Variants in PDE10A observed in about 807,000 individuals in gnomAD.
PDE10A encodes phosphodiesterase 10A.
Under a neutral mutation model 97.7 loss-of-function variants are expected in PDE10A, and 39 were observed. The ratio of observed to expected loss-of-function variants is 0.40; its 90% CI spans 0.31 to 0.52. PDE10A has a LOEUF of 0.52. PDE10A is among the 20% of genes least tolerant of loss of function. PDE10A has a pLI of 0.56. For synonymous variants in PDE10A, 371 were observed against 376.8 expected (o/e 0.98, Z 0.18); for missense variants, 731 against 1,047.8 (o/e 0.70, Z 4.17).
chr6:165,535,602 CGT>C lies in PDE10A; in HGVS notation c.994+7836_994+7837del, dbSNP rs140536079. Among the ~76,000 whole-genome samples, 469 of 148,500 alleles carry C rather than the reference CGT, an allele frequency of 3.2e-3. 3 individuals carry two copies. The highest frequency in any genetic ancestry group is 9.5e-3 in the African/African-American group (388 of 40,832). The stretch of plus-strand genomic sequence containing the variant: ...GTATTCTATGGGGTGTGTGTGTGCG[CGT>C]GTGTGTGTGTGTGTGTACACACACA... On this transcript the variant is annotated intron_variant, in intron 2 of 21. Coordinates refer to ENST00000539869, the MANE Select transcript of PDE10A (RefSeq NM_001385079.1).
At chr6:165,340,407 A>T (rs2128178591) in intron 19 of PDE10A, among the ~76,000 whole-genome samples, 1 of 152,306 alleles carries the variant, frequency 6.6e-6, no homozygotes, top group Non-Finnish European at 1.5e-5. Context: ...ATAATTAGGT[A>T]TTTTTATGTA....
In PDE10A at chr6:165,798,864, C is replaced by T. The variant is rs145268687; in HGVS notation, c.-615+188665G>A. ...CTGGGATTACAAGCACGTGCCACCA[C>T]GCCAGGCTAATTTTGGTGTTTTTTG... is the stretch of plus-strand genomic sequence containing the variant. On this transcript the variant is annotated intron_variant, in intron 1 of 19. Coordinates refer to the PDE10A transcript ENST00000366882. 4.1e-3 allele frequency among the ~76,000 whole-genome samples: 630 copies of T among 152,160 alleles called. 7 individuals carry two copies. Among genetic ancestry groups the T allele is most frequent in the African/African-American group, 0.014 (594 of 41,490 alleles).
At chr6:165,588,281 CTTTTTTTTTTTTTTTTT>C (rs1216263426) in intron 1 of PDE10A, among the ~76,000 whole-genome samples, 1 of 37,034 alleles carries the variant, frequency 2.7e-5, no homozygotes, top group Non-Finnish European at 8.6e-5. Flanking sequence ...ATTTTTTTTT[CTTTTTTTTTTTTTTTTT>C]TTTTTTTTTG....
At chr6:165,892,366 G>A (rs1248022645) in intron 1 of PDE10A, among the ~76,000 whole-genome samples, 1 of 152,204 alleles carries the variant, frequency 6.6e-6, no homozygotes, top group East Asian at 1.9e-4. Context: ...AAGTGGACAT[G>A]GCCACAGAGA....
At chr6:165,984,692 T>A (rs147283735) in intron 1 of PDE10A, among the ~76,000 whole-genome samples, 9 of 92,850 alleles carry the variant, frequency 9.7e-5, no homozygotes, top group African/African-American at 3.0e-4. Flanking sequence ...TTGAATTTCT[T>A]ACCAAATGCC....
intron 1 of PDE10A, among the ~76,000 whole-genome samples, chr6:165,851,381 C>T (rs1780568156): frequency 1.3e-5 from 2 of 152,198 alleles, no homozygotes; most frequent in Admixed American, 6.5e-5. Flanking sequence ...TACCTGGGGC[C>T]TTCCTTAACA....
At chr6:165,458,171 T>C (rs1434458653) in intron 3 of PDE10A, among the ~76,000 whole-genome samples, 1 of 152,206 alleles carries the variant, frequency 6.6e-6, no homozygotes, top group African/African-American at 2.4e-5. Flanking sequence ...TATTTTGACA[T>C]AATTTCGATC....
At chr6:165,778,417 C>T (rs1778254663) in intron 1 of PDE10A, among the ~76,000 whole-genome samples, 1 of 152,146 alleles carries the variant, frequency 6.6e-6, no homozygotes, top group African/African-American at 2.4e-5. Flanking sequence ...TTCATCCATG[C>T]TCTATAGTAT....
At chr6:165,351,282 C>G (rs1322708032) in intron 18 of PDE10A, among the ~76,000 whole-genome samples, 1 of 152,040 alleles carries the variant, frequency 6.6e-6, no homozygotes, top group Non-Finnish European at 1.5e-5. Context: ...GGCATAATAG[C>G]TAATGACATC....
intron 1 of PDE10A, among the ~76,000 whole-genome samples, chr6:165,842,947 T>G (rs1443675984): frequency 6.6e-6 from 1 of 152,216 alleles, no homozygotes; most frequent in African/African-American, 2.4e-5. Flanking sequence ...ACATCTGCCT[T>G]GTCTACCTGA....
intron 1 of PDE10A, among the ~76,000 whole-genome samples, chr6:165,860,693 A>G (rs1780878474): frequency 6.6e-6 from 1 of 152,190 alleles, no homozygotes; most frequent in South Asian, 2.1e-4. Flanking sequence ...AAGTAGGCGA[A>G]TTTGCAAATA....
At chr6:165,751,344 C>T (rs1327447050) in intron 1 of PDE10A, among the ~76,000 whole-genome samples, 1 of 152,188 alleles carries the variant, frequency 6.6e-6, no homozygotes, top group South Asian at 2.1e-4. Context: ...TTCCCTGGCC[C>T]CTGCCTCCAG....
chr6:165,642,497 G>A (rs557948674), intron 1 of PDE10A, among the ~76,000 whole-genome samples: 11 of 152,174 alleles, frequency 7.2e-5, no homozygotes, highest in Non-Finnish European at 1.3e-4. Context: ...ATTTTAGAGG[G>A]GTAGTGCTCT....
intron 1 of PDE10A, among the ~76,000 whole-genome samples, chr6:165,747,072 A>G (rs1474126320): frequency 6.6e-6 from 1 of 152,226 alleles, no homozygotes; most frequent in Admixed American, 6.5e-5. Flanking sequence ...GCTATATCTT[A>G]GTTCAATAAA....
intron 2 of PDE10A, among the ~76,000 whole-genome samples, chr6:165,520,152 C>T (rs1307588786): frequency 6.6e-6 from 1 of 152,146 alleles, no homozygotes; most frequent in African/African-American, 2.4e-5. Flanking sequence ...CATCAAGTTC[C>T]TTCTAGAAAG....
At chr6:165,498,799 T>C (rs371996745) in intron 2 of PDE10A, among the ~76,000 whole-genome samples, 12 of 152,310 alleles carry the variant, frequency 7.9e-5, no homozygotes, top group African/African-American at 2.4e-4. Flanking sequence ...CACCTTACTT[T>C]TGAAAATGTT....
intron 1 of PDE10A, among the ~76,000 whole-genome samples, chr6:165,757,795 C>T (rs1436123630): frequency 6.6e-6 from 1 of 152,020 alleles, no homozygotes; most frequent in Non-Finnish European, 1.5e-5. Flanking sequence ...TGCCATATGA[C>T]CTTTGGAGTC....
At chr6:165,909,394 C>T (rs115125342) in intron 1 of PDE10A, among the ~76,000 whole-genome samples, 8 of 152,196 alleles carry the variant, frequency 5.3e-5, no homozygotes, top group African/African-American at 1.4e-4. Flanking sequence ...TTATATTGCT[C>T]GCTGTGTTAG....
At position 165,359,354 on chromosome 6, in the gene PDE10A, A is replaced by C. The variant is rs186911103; in HGVS notation, c.2784-15852T>G. Among the ~76,000 whole-genome samples the C allele has an allele frequency of 1.6e-3, 240 of 152,226 alleles. 1 individual carries two copies. Among genetic ancestry groups the C allele is most frequent in the African/African-American group, 5.4e-3 (224 of 41,548 alleles). On this transcript the variant is annotated intron_variant, in intron 18 of 21. Coordinates refer to ENST00000539869, the MANE Select transcript of PDE10A (RefSeq NM_001385079.1). ...TCCTTATTTCAGCCTCCTTTTTTGA[A>C]GAATGTTTCTAATGGACATAGGATT...
Sources: gnomAD v4.1 joint callset for allele counts (sites outside exome capture counted in the v4.1 genomes callset) on GRCh38, gnomAD v4.1.1 for gene constraint, MANE v1.5 for transcripts, NCBI Gene and HGNC (gene_info 2026-07-23, HGNC 2026-07-21) for gene names.